Variants in RNFT2 observed in about 807,000 individuals in gnomAD.
RNFT2 encodes ring finger protein, transmembrane 2.
RNFT2 carries 36 observed loss-of-function variants against 53.0 expected under a neutral mutation model. The observed-to-expected ratio is 0.68, with a 90% CI of 0.52 to 0.90. The LOEUF (loss-of-function observed/expected upper bound fraction) is 0.90. Ranked by LOEUF, RNFT2 falls within the 40% of genes least tolerant of loss-of-function variation. The probability of loss-of-function intolerance (pLI) is 0.00; values close to 1 mark genes in which losing one functional copy is unlikely to be tolerated. For missense variants in RNFT2, 514 were observed against 585.6 expected, an observed-to-expected ratio of 0.88 and a Z score of 1.26; for synonymous variants, 260 against 253.2, an observed-to-expected ratio of 1.03 and a Z score of -0.26.
chr12:116,833,959 C>G lies in RNFT2; in HGVS notation c.1032+18C>G. On this transcript the variant is annotated intron_variant, in intron 8 of 10. Transcript: ENST00000257575. ...TCTGCAAGGTGAGGTGGCCCCAAGG[C>G]TGGAGGGCCGGCCTAAGGAGGGCCC... 6.3e-7 allele frequency: 1 copy of G among 1,584,644 alleles called. No individual in the cohort carries two copies. Among genetic ancestry groups the G allele is most frequent in the Non-Finnish European group, 8.6e-7 (1 of 1,167,544 alleles).
At chr12:116,775,838 T>A (rs913847024) in intron 6 of RNFT2, among the ~76,000 whole-genome samples, 1 of 151,744 alleles carries the variant, frequency 6.6e-6, no homozygotes, top group Non-Finnish European at 1.5e-5. Context: ...AGGCCAGGAG[T>A]CTGAGACCAG....
At chr12:116,751,822 G>C (rs1192834859) in intron 4 of RNFT2, among the ~76,000 whole-genome samples, 5 of 151,644 alleles carry the variant, frequency 3.3e-5, no homozygotes, top group Non-Finnish European at 7.4e-5. Flanking sequence ...GCAGTGGCAC[G>C]ATCTCAGCTC....
intron 6 of RNFT2, among the ~76,000 whole-genome samples, chr12:116,767,211 G>A (rs1264934036): frequency 6.6e-6 from 1 of 151,980 alleles, no homozygotes; most frequent in Non-Finnish European, 1.5e-5. Flanking sequence ...TTTGTTTTTT[G>A]TTTTGTCTGT....
In RNFT2 at chr12:116,750,891, AATATATATATATATATAT is replaced by A. The variant is rs1872211543; in HGVS notation, c.550+585_550+602del. Among the ~76,000 whole-genome samples, 2 of 2,106 alleles carry A rather than the reference AATATATATATATATATAT, an allele frequency of 9.5e-4. 1 individual carries two copies. Among genetic ancestry groups the A allele is most frequent in the East Asian group, 0.083 (2 of 24 alleles). The allele number at this position is 2,106 out of a possible 152,430, so 1.4% of individuals were successfully genotyped here. On this transcript the variant is annotated intron_variant, in intron 4 of 10. Transcript: ENST00000257575. ...TATATAATATATATATTATATATAT[AATATATATATATATATAT>A]TTTTTTTTGAGACAGGGTCTTGCTC... is the stretch of plus-strand genomic sequence containing the variant.
At chr12:116,823,905 T>C (rs964715302) in intron 7 of RNFT2, among the ~76,000 whole-genome samples, 3 of 152,072 alleles carry the variant, frequency 2.0e-5, no homozygotes, top group African/African-American at 7.3e-5. Flanking sequence ...AGCCCCATTT[T>C]ACTAGCGAGG....
At chr12:116,749,287 C>T (rs1288912245) in intron 3 of RNFT2, among the ~76,000 whole-genome samples, 2 of 117,202 alleles carry the variant, frequency 1.7e-5, no homozygotes, top group Non-Finnish European at 3.5e-5. Flanking sequence ...TTTCCCCCCC[C>T]ACCACCCCTT....
At chr12:116,751,742 TTTTG>T (rs1323304835) in intron 4 of RNFT2, among the ~76,000 whole-genome samples, 5 of 152,000 alleles carry the variant, frequency 3.3e-5, no homozygotes, top group East Asian at 3.9e-4. Flanking sequence ...CTTACTGTTT[TTTTG>T]TTTGTTTGTT....
At position 116,833,785 on chromosome 12, in the gene RNFT2, G is replaced by A. The variant is rs1284148965; in HGVS notation, c.883-7G>A. 8.7e-6 allele frequency: 14 copies of A among 1,612,858 alleles called. No homozygotes were observed. The African/African-American group carries it at 1.1e-4, about 12-fold the overall frequency. On this transcript the variant is annotated splice_region_variant and splice_polypyrimidine_tract_variant and intron_variant, in intron 7 of 10. Coordinates refer to ENST00000257575, the MANE Select transcript of RNFT2 (RefSeq NM_001382266.1). ...AATAATAATTGATGTTCTCTGTGTG[G>A]TTGCAGGGAAAGTTCTATCTGGTCA...
intron 6 of RNFT2, among the ~76,000 whole-genome samples, chr12:116,767,518 T>C (rs1355358192): frequency 6.6e-6 from 1 of 151,968 alleles, no homozygotes; most frequent in Non-Finnish European, 1.5e-5. Context: ...TCGCCGCACC[T>C]GGCCCCGAAA....
chr12:116,741,228 A>G (rs1871594916), intron 3 of RNFT2, 134 bp downstream of exon 3: 2 of 697,666 alleles, frequency 2.9e-6, no homozygotes, highest in Admixed American at 2.4e-5. Flanking sequence ...CATACTAAAC[A>G]TTCAACGCAT....
In RNFT2 at chr12:116,850,620, C is replaced by CTTTTTTCTTTTTTTTTTTTTTTT. The variant is rs775478129; in HGVS notation, c.*1178_*1179insCTTTTTTTTTTTTTTTTTTTTTT. Reference sequence around the variant, plus strand: ...TGTGAAGTATTTTTTCTTTTCTTTTCTTTTTTTTTTTTTTTTTGTTGTTGT... The same window carrying CTTTTTTCTTTTTTTTTTTTTTTT: ...TGTGAAGTATTTTTTCTTTTCTTTTCTTTTTTCTTTTTTTTTTTTTTTTTTTTTTTTTTTTTTTTTGTTGTTGT... On this transcript the variant is annotated 3_prime_UTR_variant, in exon 11 of 11. Coordinates refer to ENST00000257575, the MANE Select transcript of RNFT2 (RefSeq NM_001382266.1). 9 of 131,002 alleles carry CTTTTTTCTTTTTTTTTTTTTTTT rather than the reference C, an allele frequency of 6.9e-5. No individual in the cohort carries two copies. Among genetic ancestry groups the CTTTTTTCTTTTTTTTTTTTTTTT allele is most frequent in the Non-Finnish European group, 1.1e-4 (7 of 61,732 alleles). The allele number at this position is 131,002 out of a possible 1,614,324, so 8.1% of individuals were successfully genotyped here.
intron 4 of RNFT2, 118 bp from the exon 5 acceptor site, chr12:116,753,866 C>T: frequency 1.4e-6 from 1 of 715,984 alleles, no homozygotes; most frequent in Non-Finnish European, 2.4e-6. Context: ...TTATTTTTCT[C>T]TCTCTTCTGT....
At chr12:116,782,758 C>T (rs982893905) in intron 7 of RNFT2, among the ~76,000 whole-genome samples, 8 of 152,076 alleles carry the variant, frequency 5.3e-5, no homozygotes, top group South Asian at 2.1e-4. Flanking sequence ...TCTCACATGC[C>T]GAAAATAAGT....
chr12:116,763,475 A>C (rs1451835653), intron 5 of RNFT2, among the ~76,000 whole-genome samples: 1 of 152,164 alleles, frequency 6.6e-6, no homozygotes, highest in African/African-American at 2.4e-5. Flanking sequence ...TAAAGAACTA[A>C]AAGTAGAACT....
rs71095599 is a variant in RNFT2, at chr12:116,806,397, T to TATAGATAG, written c.882+27076_882+27083dup. Among the ~76,000 whole-genome samples, 537 of 131,620 alleles carry TATAGATAG rather than the reference T, an allele frequency of 4.1e-3. 5 individuals carry two copies. Among genetic ancestry groups the TATAGATAG allele is most frequent in the African/African-American group, 0.014 (484 of 33,390 alleles). 86.3% of individuals were successfully genotyped at this position (131,620 alleles called of 152,430 possible). A position where few individuals can be genotyped will look rare whatever the true frequency, so the allele number is the denominator to read the frequency against. ...AAAAAAAAAAATATATATATATATA[T>TATAGATAG]ATAGATAGATAGATAGATAGATAGA... On this transcript the variant is annotated intron_variant, in intron 7 of 10. Coordinates refer to ENST00000257575, the MANE Select transcript of RNFT2 (RefSeq NM_001382266.1).
chr12:116,782,079 C>CAAACAAAAAAAAAAAAAAAAA (rs1566079526), intron 7 of RNFT2: 2 of 34,348 alleles, frequency 5.8e-5, no homozygotes, highest in Non-Finnish European at 1.1e-4. Context: ...ACTCCGTCTC[C>CAAACAAAAAAAAAAAAAAAAA]AAAAAAAAAA....
At chr12:116,794,435 T>TA (rs1874390054) in intron 7 of RNFT2, among the ~76,000 whole-genome samples, 1 of 147,636 alleles carries the variant, frequency 6.8e-6, no homozygotes, top group South Asian at 2.2e-4. Context: ...CTGTCTCTAC[T>TA]AAAAACACAA....
intron 6 of RNFT2, among the ~76,000 whole-genome samples, chr12:116,768,484 T>C (rs1427063982): frequency 6.6e-6 from 1 of 152,162 alleles, no homozygotes; most frequent in Non-Finnish European, 1.5e-5. Context: ...AGTGGTCCCA[T>C]AAGGTTATAA....
chr12:116,798,986 T>A (rs1415848011), intron 7 of RNFT2, among the ~76,000 whole-genome samples: 1 of 151,932 alleles, frequency 6.6e-6, no homozygotes, highest in Non-Finnish European at 1.5e-5. Flanking sequence ...AGGTCAGCAG[T>A]CCAGGTCAGC....
Sources: allele counts gnomAD v4.1 joint callset (sites outside exome capture counted in the v4.1 genomes callset), GRCh38; gene constraint gnomAD v4.1.1; transcripts MANE v1.5; gene names NCBI Gene and HGNC (gene_info 2026-07-23, HGNC 2026-07-21).